EYA1: variants seen among roughly 807,000 people sequenced by gnomAD.
EYA1 encodes the protein protein phosphatase EYA1.
In EYA1, 16 loss-of-function variants were observed where a neutral mutation model predicts 82.0. That is an observed-to-expected ratio of 0.20 (90% CI 0.13 to 0.30). The LOEUF (loss-of-function observed/expected upper bound fraction) is 0.30. Among genes scored for constraint, EYA1 ranks in the 10% least tolerant of loss-of-function variants. EYA1 has a pLI of 1.00. For missense variants in EYA1, 633 were observed against 730.7 expected (o/e 0.87, Z 1.54); for synonymous variants, 261 against 264.4 (o/e 0.99, Z 0.12).
intron 1 of EYA1, among the ~76,000 whole-genome samples, chr8:71,541,723 G>T (rs1460686737): frequency 6.6e-6 from 1 of 152,164 alleles, no homozygotes; most frequent in African/African-American, 2.4e-5. Flanking sequence ...TTTGTAACGA[G>T]GAAATTCAGG....
At chr8:71,403,254 G>C (rs1830051060) in intron 2 of EYA1, among the ~76,000 whole-genome samples, 1 of 152,152 alleles carries the variant, frequency 6.6e-6, no homozygotes, top group Non-Finnish European at 1.5e-5. Context: ...CAAAGAATAT[G>C]ATCAGACAAT....
rs1456914580 is a variant in EYA1 at position 71,394,341 on chromosome 8, G to A, written c.34-37830C>T. 2.0e-5 allele frequency among the ~76,000 whole-genome samples: 3 copies of A among 152,140 alleles called. No individual in the cohort carries two copies. The South Asian group carries it at 6.2e-4, about 32-fold the overall frequency. ...TTCGTTTTTGTTGCCATTGCTTTTG[G>A]TGTTTTAGTCATGAAGCCCTTGCCC... On this transcript the variant is annotated intron_variant, in intron 2 of 18. Transcript: ENST00000643681.
chr8:71,492,472 T>TA (rs1212521658), intron 2 of EYA1, among the ~76,000 whole-genome samples: 48 of 150,812 alleles, frequency 3.2e-4, no homozygotes, highest in African/African-American at 1.0e-3. Flanking sequence ...ATTATTATTT[T>TA]TTTTTTTTTT....
intron 2 of EYA1, chr8:71,530,806 C>A (rs1814207843): frequency 6.6e-6 from 1 of 152,220 alleles, no homozygotes; most frequent in Non-Finnish European, 1.5e-5. Context: ...AACCCAGCAT[C>A]TCAGCAAAAG....
intron 9 of EYA1, among the ~76,000 whole-genome samples, chr8:71,274,096 A>G (rs191842844): frequency 4.1e-4 from 62 of 152,336 alleles, no homozygotes; most frequent in Non-Finnish European, 7.3e-4. Context: ...CCAAAAGAAA[A>G]TAAATTCATT....
intron 2 of EYA1, among the ~76,000 whole-genome samples, chr8:71,369,029 A>G (rs1743491555): frequency 1.1e-5 from 1 of 94,092 alleles, no homozygotes; most frequent in Non-Finnish European, 2.3e-5. Context: ...TCTACTAAAA[A>G]TACAAAAAAA....
intron 12 of EYA1, among the ~76,000 whole-genome samples, chr8:71,221,792 C>T (rs1809953808): frequency 6.6e-6 from 1 of 152,124 alleles, no homozygotes. Flanking sequence ...ACCAGGGTCC[C>T]TGGGCATGCA....
chr8:71,362,155 C>CTTTTTTTT (rs35320129), upstream of EYA1: 456 of 823,530 alleles, frequency 5.5e-4, 1 homozygote, highest in East Asian at 9.4e-4. Context: ...TCGGGGCTTT[C>CTTTTTTTT]TTTTTTTTTT....
intron 3 of EYA1, among the ~76,000 whole-genome samples, chr8:71,345,367 TGTA>T (rs1350952058): frequency 6.6e-6 from 1 of 152,190 alleles, no homozygotes; most frequent in Non-Finnish European, 1.5e-5. Context: ...ACTACAGGCA[TGTA>T]GTATTATCAT....
intron 3 of EYA1, among the ~76,000 whole-genome samples, chr8:71,338,960 A>G (rs1323866838): frequency 2.0e-5 from 3 of 152,084 alleles, no homozygotes; most frequent in Non-Finnish European, 4.4e-5. Context: ...TTATGCAGGG[A>G]CTTCAAAAAC....
intron 3 of EYA1, among the ~76,000 whole-genome samples, chr8:71,352,374 C>T (rs1418560354): frequency 6.6e-6 from 1 of 152,132 alleles, no homozygotes; most frequent in African/African-American, 2.4e-5. Flanking sequence ...TGTATCTAAA[C>T]GGACATGTAA....
chr8:71,391,419 C>T (rs2129110871), intron 2 of EYA1, among the ~76,000 whole-genome samples: 1 of 152,222 alleles, frequency 6.6e-6, no homozygotes, highest in Non-Finnish European at 1.5e-5. Flanking sequence ...TCTGATTGTT[C>T]CAAGATCTCT....
chr8:71,329,836 T>G (rs1313458120), intron 4 of EYA1, among the ~76,000 whole-genome samples: 1 of 151,930 alleles, frequency 6.6e-6, no homozygotes, highest in East Asian at 1.9e-4. Context: ...CACAAGAAAA[T>G]GACAGCATTT....
At chr8:71,233,217 G>A (rs567134377) in intron 12 of EYA1, among the ~76,000 whole-genome samples, 1 of 152,280 alleles carries the variant, frequency 6.6e-6, no homozygotes, top group African/African-American at 2.4e-5. Flanking sequence ...ACTATCTAGA[G>A]ATAAATCAGT....
chr8:71,545,856 G>A (rs1049169669), intron 1 of EYA1, among the ~76,000 whole-genome samples: 5 of 152,026 alleles, frequency 3.3e-5, no homozygotes, highest in Admixed American at 2.6e-4. Flanking sequence ...CACTGTGCCC[G>A]GCCTTTTTTC....
intron 2 of EYA1, chr8:71,470,962 A>T (rs1809155823): frequency 2.3e-6 from 1 of 434,862 alleles, no homozygotes; most frequent in African/African-American, 2.1e-5. Context: ...AGGGGAGAAA[A>T]ACCTTACCCA....
chr8:71,449,618 G>C (rs1807191865), intron 2 of EYA1, among the ~76,000 whole-genome samples: 1 of 152,162 alleles, frequency 6.6e-6, no homozygotes, highest in African/African-American at 2.4e-5. Flanking sequence ...ATCCTTGAGA[G>C]CCCTGAGATT....
chr8:71,368,914 C>T (rs573337107), intron 2 of EYA1, among the ~76,000 whole-genome samples: 50 of 151,496 alleles, frequency 3.3e-4, no homozygotes, highest in Middle Eastern at 3.4e-3. Context: ...TAAGGCCGGG[C>T]GCGGTGGCTC....
rs146081509 is a variant in EYA1, at chr8:71,361,855, G to T, written c.-263C>A. ...GGGCAGGCGCCTGGCCGCTGCCGCA[G>T]GCTCGGGCTGCCGAGCGACTGAGCG... On this transcript the variant is annotated 5_prime_UTR_variant, in exon 1 of 18. It adds an upstream start codon to the 5' untranslated region. Transcript: ENST00000340726. 7 of 985,336 alleles carry T rather than the reference G, an allele frequency of 7.1e-6. No homozygotes were observed. The highest frequency in any genetic ancestry group is 2.3e-4 in the East Asian group (2 of 8,810). The allele number at this position is 985,336 out of a possible 1,614,324, so 61.0% of individuals were successfully genotyped here. A position where few individuals can be genotyped will look rare whatever the true frequency, so the allele number is the denominator to read the frequency against.
Sources: gnomAD v4.1 joint callset for allele counts (sites outside exome capture counted in the v4.1 genomes callset) on GRCh38, gnomAD v4.1.1 for gene constraint, MANE v1.5 for transcripts, NCBI Gene and HGNC (gene_info 2026-07-23, HGNC 2026-07-21) for gene names.